The following LDHC variants were observed in gnomAD, a reference collection of about 807,000 sequenced individuals.
LDHC encodes L-lactate dehydrogenase C chain.
LDHC carries 20 observed loss-of-function variants against 30.2 expected under a neutral mutation model. The ratio of observed to expected loss-of-function variants is 0.66; its 90% CI spans 0.47 to 0.96. The LOEUF is 0.96. Among genes scored for constraint, LDHC ranks in the 40% least tolerant of loss-of-function variants. LDHC has a pLI of 0.00. For missense variants in LDHC, 362 were observed against 394.9 expected (o/e 0.92, Z 0.71); for synonymous variants, 139 against 132.7 (o/e 1.05, Z -0.32).
intron 6 of LDHC, among the ~76,000 whole-genome samples, chr11:18,440,027 C>T (rs962835081): frequency 5.4e-5 from 8 of 148,250 alleles, no homozygotes; most frequent in Admixed American, 2.1e-4. Flanking sequence ...ATAGGCTGGG[C>T]GCAGTGGCTT....
intron 3 of LDHC, among the ~76,000 whole-genome samples, chr11:18,416,036 C>G (rs980019912): frequency 6.6e-6 from 1 of 152,102 alleles, no homozygotes; most frequent in Non-Finnish European, 1.5e-5. Context: ...AAAAAGAACA[C>G]TTCGATATAA....
chr11:18,415,064 A>G, intron 2 of LDHC, 120 bp from the exon 3 acceptor site: 1 of 552,402 alleles, frequency 1.8e-6, no homozygotes, highest in Non-Finnish European at 3.2e-6. Context: ...CTATTTTTAT[A>G]TCATTTTTCC....
At chr11:18,415,429 T>C (rs1866992941) in intron 3 of LDHC, 128 bp downstream of exon 3, 1 of 573,604 alleles carries the variant, frequency 1.7e-6, no homozygotes, top group South Asian at 2.5e-5. Flanking sequence ...TTTAATTTAG[T>C]TGATCAATTT....
chr11:18,412,588 G>T, intron 1 of LDHC, 121 bp from the exon 2 acceptor site: 1 of 896,264 alleles, frequency 1.1e-6, no homozygotes, highest in East Asian at 2.7e-5. Context: ...CGCATCCTTT[G>T]ACCAGGAAAT....
intron 3 of LDHC, among the ~76,000 whole-genome samples, chr11:18,418,117 ATT>A (rs1867055980): frequency 6.6e-6 from 1 of 151,888 alleles, no homozygotes. Flanking sequence ...CATTCTGTAT[ATT>A]CATATCTTCC....
chr11:18,425,909 C>T (rs1226755314), intron 3 of LDHC, among the ~76,000 whole-genome samples: 2 of 151,672 alleles, frequency 1.3e-5, no homozygotes, highest in Non-Finnish European at 2.9e-5. Flanking sequence ...CCACTGCACT[C>T]CAGCCTGGGC....
chr11:18,428,743 T>C (rs565580544), intron 3 of LDHC, among the ~76,000 whole-genome samples: 108 of 151,992 alleles, frequency 7.1e-4, no homozygotes, highest in African/African-American at 2.6e-3. Context: ...TGTGTGATGG[T>C]GCATGCCTGT....
chr11:18,436,488 T>G (rs1440607004), intron 5 of LDHC, among the ~76,000 whole-genome samples: 2 of 146,060 alleles, frequency 1.4e-5, no homozygotes, highest in African/African-American at 5.0e-5. Context: ...AAAGTTTTTT[T>G]TTTTTTTTTT....
intron 3 of LDHC, among the ~76,000 whole-genome samples, chr11:18,416,822 C>A (rs911342102): frequency 6.6e-6 from 1 of 151,792 alleles, no homozygotes; most frequent in African/African-American, 2.4e-5. Context: ...CCCTACCCTC[C>A]CCAGCCCTCC....
Position 18,424,869 on chromosome 11 carries a change from G to A in LDHC, c.245-4868G>A, listed in dbSNP as rs540069109. 7.2e-5 allele frequency among the ~76,000 whole-genome samples: 11 copies of A among 152,206 alleles called. No individual in the cohort carries two copies. The East Asian group carries it at 1.7e-3, about 24-fold the overall frequency. On this transcript the variant is annotated intron_variant, in intron 3 of 7. Coordinates refer to ENST00000541669, the MANE Select transcript of LDHC (RefSeq NM_017448.5). ...CTAAAAATACAAAAATTAGCTGGGT[G>A]TGGTGGCACGTGCCTGTAATTCCAG...
At chr11:18,442,660 CTTTTTTT>C (rs34884188) in intron 6 of LDHC, among the ~76,000 whole-genome samples, 2 of 112,626 alleles carry the variant, frequency 1.8e-5, no homozygotes, top group South Asian at 2.9e-4. Flanking sequence ...TTCTCTCTCT[CTTTTTTT>C]TTTTTTTTTT....
intron 7 of LDHC, among the ~76,000 whole-genome samples, chr11:18,447,373 A>G (rs1848049): frequency 0.15 from 23,298 of 151,822 alleles, 2,019 homozygotes; most frequent in African/African-American, 0.23. Flanking sequence ...CTGACCTCGT[A>G]ATCTGCCTGC....
rs1848553796 is a variant in LDHC, at chr11:18,446,277, G to C, written c.778G>C (p.Val260Leu). The change falls in exon 7 of 8, where the codon GTA becomes CTA. Residue 260 changes from valine (V) to leucine (L), a missense_variant. Physicochemically the swap from Val to Leu is conservative, Grantham distance 32 (BLOSUM62 1). Coordinates refer to ENST00000541669, the MANE Select transcript of LDHC (RefSeq NM_017448.5). ...WAIGLSVMDL[V>L]GSILKNLRRV... ...TATTGGACTGTCTGTGATGGATTTG[G>C]TAGGATCCATTTTGAAAAATCTTAG... 6.3e-7 allele frequency: 1 copy of C among 1,594,700 alleles called. No individual in the cohort carries two copies. Among genetic ancestry groups the C allele is most frequent in the African/African-American group, 1.3e-5 (1 of 74,578 alleles).
intron 3 of LDHC, among the ~76,000 whole-genome samples, chr11:18,423,510 G>GA (rs753846608): frequency 6.6e-6 from 1 of 152,148 alleles, no homozygotes; most frequent in Admixed American, 6.6e-5. Context: ...TATCATTATG[G>GA]AAAAAATAAA....
chr11:18,419,378 C>T (rs1484334463), intron 3 of LDHC, among the ~76,000 whole-genome samples: 1 of 152,200 alleles, frequency 6.6e-6, no homozygotes, highest in African/African-American at 2.4e-5. Flanking sequence ...ATTATTCTCT[C>T]CCTGCCTTTG....
chr11:18,450,617 G>A (rs1848639092), intron 7 of LDHC: 1 of 191,414 alleles, frequency 5.2e-6, no homozygotes, highest in Non-Finnish European at 1.1e-5. Flanking sequence ...CTACACACAA[G>A]TTACTTGATT....
At chr11:18,443,502 C>T (rs1203700816) in intron 6 of LDHC, among the ~76,000 whole-genome samples, 1 of 149,594 alleles carries the variant, frequency 6.7e-6, no homozygotes, top group Non-Finnish European at 1.5e-5. Context: ...CTCTGTCATC[C>T]AGGCTGGAGT....
intron 5 of LDHC, 28 bp from the exon 6 acceptor site, chr11:18,438,500 A>C: frequency 2.2e-6 from 3 of 1,388,146 alleles, no homozygotes; most frequent in Non-Finnish European, 3.1e-6. Context: ...TGGGAAGAAG[A>C]GTTTATTTTG....
chr11:18,438,061 C>G (rs1165182430), intron 5 of LDHC, among the ~76,000 whole-genome samples: 2 of 151,258 alleles, frequency 1.3e-5, no homozygotes, highest in African/African-American at 4.9e-5. Context: ...AAAAAAAAAA[C>G]AAAAGAAATA....
Sources: allele counts gnomAD v4.1 joint callset (sites outside exome capture counted in the v4.1 genomes callset), GRCh38; gene constraint gnomAD v4.1.1; transcripts MANE v1.5; gene names NCBI Gene and HGNC (gene_info 2026-07-23, HGNC 2026-07-21).